SAMD5: variants seen among roughly 807,000 people sequenced by gnomAD.
SAMD5 encodes sterile alpha motif domain-containing protein 5.
SAMD5 carries 13 observed loss-of-function variants against 11.3 expected under a neutral mutation model. The ratio of observed to expected loss-of-function variants is 1.15; its 90% CI spans 0.75 to 1.83. The LOEUF is 1.83. Ranked by LOEUF, SAMD5 falls within the 40% of genes most tolerant of loss-of-function variation. SAMD5 has a pLI of 0.00. For synonymous variants in SAMD5, 129 were observed against 111.3 expected, an observed-to-expected ratio of 1.16 and a Z score of -1.00; for missense variants, 255 against 239.1, an observed-to-expected ratio of 1.07 and a Z score of -0.44.
chr6:147,615,906 C>T lies in SAMD5; in HGVS notation c.162+106519C>T, dbSNP rs567792310. ...TTCTGCTCTTCTAGATGAGAGGTCA[C>T]GACTTTCATCTTGGCTTTTATGTTG... On this transcript the variant is annotated intron_variant, in intron 1 of 1. Transcript: ENST00000566741. Among the ~76,000 whole-genome samples, 14 of 152,154 alleles carry T rather than the reference C, an allele frequency of 9.2e-5. 1 individual carries two copies. The East Asian group carries it at 1.7e-3, about 19-fold the overall frequency.
intron 1 of SAMD5, among the ~76,000 whole-genome samples, chr6:147,555,816 G>T (rs897817582): frequency 6.6e-6 from 1 of 152,114 alleles, no homozygotes; most frequent in African/African-American, 2.4e-5. Context: ...GTCAAGTTTT[G>T]CCATGGTATT....
At chr6:147,628,768 A>G (rs1790096312) in intron 1 of SAMD5, among the ~76,000 whole-genome samples, 1 of 152,172 alleles carries the variant, frequency 6.6e-6, no homozygotes, top group African/African-American at 2.4e-5. Flanking sequence ...CTGCTGGCCC[A>G]TGGATCTCAT....
chr6:147,951,539 C>G, the SAMD5 span, among the ~76,000 whole-genome samples: 4 of 152,166 alleles, frequency 2.6e-5, no homozygotes, highest in Non-Finnish European at 5.9e-5. Flanking sequence ...CTCAAGTACA[C>G]AGAAATGCAA....
At chr6:147,830,103 T>C in the SAMD5 span, among the ~76,000 whole-genome samples, 1 of 152,036 alleles carries the variant, frequency 6.6e-6, no homozygotes, top group African/African-American at 2.4e-5. Context: ...TTAGAAGTGA[T>C]TTGTTAATAT....
chr6:147,584,297 A>G (rs1789343133), intron 1 of SAMD5, among the ~76,000 whole-genome samples: 1 of 152,158 alleles, frequency 6.6e-6, no homozygotes, highest in African/African-American at 2.4e-5. Flanking sequence ...TTAACCAAGC[A>G]CTTGCTTTTG....
At chr6:147,555,636 G>T (rs1788843234) in intron 1 of SAMD5, among the ~76,000 whole-genome samples, 1 of 152,112 alleles carries the variant, frequency 6.6e-6, no homozygotes, top group African/African-American at 2.4e-5. Flanking sequence ...TTCAGAAACT[G>T]AATATTTTCC....
the SAMD5 span, among the ~76,000 whole-genome samples, chr6:147,768,935 AG>A: frequency 6.6e-6 from 1 of 152,178 alleles, no homozygotes; most frequent in African/African-American, 2.4e-5. Context: ...CTGGGACTAC[AG>A]GTGCGTGCCA....
At chr6:147,557,026 A>G (rs1323596338) in intron 1 of SAMD5, among the ~76,000 whole-genome samples, 2 of 152,242 alleles carry the variant, frequency 1.3e-5, no homozygotes, top group Non-Finnish European at 2.9e-5. Flanking sequence ...ACCAATAGTT[A>G]AATCTCAGTC....
downstream of SAMD5, among the ~76,000 whole-genome samples, chr6:147,570,265 C>T (rs1345655141): frequency 6.6e-6 from 1 of 152,008 alleles, no homozygotes; most frequent in Non-Finnish European, 1.5e-5. Context: ...ATGTTGTCGC[C>T]TTCTCTTGTG....
chr6:147,592,091 G>A (rs1244322252), intron 1 of SAMD5, among the ~76,000 whole-genome samples: 2 of 152,212 alleles, frequency 1.3e-5, no homozygotes, highest in East Asian at 1.9e-4. Flanking sequence ...GGGCTCAAGC[G>A]ATCCTCCAGC....
At chr6:147,783,506 G>T in the SAMD5 span, among the ~76,000 whole-genome samples, 1 of 151,534 alleles carries the variant, frequency 6.6e-6, no homozygotes, top group East Asian at 1.9e-4. Flanking sequence ...TGATTCTCCT[G>T]TCTTAGCCTT....
chr6:147,590,651 G>C (rs1276517470), intron 1 of SAMD5, among the ~76,000 whole-genome samples: 1 of 152,150 alleles, frequency 6.6e-6, no homozygotes. Flanking sequence ...GAGTTCAAGT[G>C]ATCTGCCCGC....
rs185681835 is a variant in SAMD5 at position 147,566,382 on chromosome 6, A to T, written c.*1926A>T. 1.0e-5 allele frequency: 10 copies of T among 984,988 alleles called. No homozygotes were observed. In the Admixed American group the frequency reaches 4.3e-4, roughly 42 times the overall value. The allele number at this position is 984,988 out of a possible 1,614,324, so 61.0% of individuals were successfully genotyped here. On this transcript the variant is annotated 3_prime_UTR_variant, in exon 2 of 2. Transcript: ENST00000367474. The stretch of plus-strand genomic sequence containing the variant: ...TCTGTATAGATTACAGATATAATTT[A>T]TTGTGATAACAAATGGCTTCCTGTT...
At chr6:147,807,545 T>C in the SAMD5 span, among the ~76,000 whole-genome samples, 1 of 152,146 alleles carries the variant, frequency 6.6e-6, no homozygotes, top group Admixed American at 6.5e-5. Context: ...AGTTATTAAG[T>C]ACTCCATTTT....
intron 1 of SAMD5, among the ~76,000 whole-genome samples, chr6:147,648,968 C>A (rs1263248955): frequency 2.0e-5 from 3 of 152,158 alleles, no homozygotes; most frequent in Admixed American, 6.5e-5. Context: ...AAGCCATCAC[C>A]CTGCAATGAA....
At chr6:147,670,838 T>C (rs1790784988) in intron 1 of SAMD5, among the ~76,000 whole-genome samples, 1 of 152,268 alleles carries the variant, frequency 6.6e-6, no homozygotes, top group Non-Finnish European at 1.5e-5. Flanking sequence ...CTGTCATTCA[T>C]GTGTTCACCG....
chr6:147,521,960 CTTT>C (rs1041935042), intron 1 of SAMD5, among the ~76,000 whole-genome samples: 7 of 152,076 alleles, frequency 4.6e-5, no homozygotes, highest in Non-Finnish European at 8.8e-5. Context: ...AGCAAACCTT[CTTT>C]TGTGATTGCT....
chr6:147,578,299 G>A (rs778152086), intron 1 of SAMD5, among the ~76,000 whole-genome samples: 5 of 151,890 alleles, frequency 3.3e-5, no homozygotes, highest in East Asian at 1.9e-4. Context: ...TCTCTCTCTC[G>A]TATAATTTAC....
chr6:147,555,909 G>C (rs538992565), intron 1 of SAMD5, among the ~76,000 whole-genome samples: 4 of 152,134 alleles, frequency 2.6e-5, no homozygotes, highest in Non-Finnish European at 5.9e-5. Context: ...TGTGAGGTCA[G>C]ATGTGCTTCA....
Sources: allele counts gnomAD v4.1 joint callset (sites outside exome capture counted in the v4.1 genomes callset), GRCh38; gene constraint gnomAD v4.1.1; transcripts MANE v1.5; gene names NCBI Gene and HGNC (gene_info 2026-07-23, HGNC 2026-07-21).